The following KCND2 variants were observed in gnomAD, a reference collection of about 807,000 sequenced individuals.
KCND2 encodes potassium voltage-gated channel subfamily D member 2, also known as A-type voltage-gated potassium channel KCND2.
Under a neutral mutation model 54.4 loss-of-function variants are expected in KCND2, and 16 were observed. The ratio of observed to expected loss-of-function variants is 0.29; its 90% confidence interval spans 0.20 to 0.45. The LOEUF (loss-of-function observed/expected upper bound fraction) is 0.45. Ranked by LOEUF, KCND2 falls within the 20% of genes least tolerant of loss-of-function variation. The pLI, the probability that KCND2 is intolerant of heterozygous loss-of-function variation, is 1.00. For missense variants in KCND2, 486 were observed against 824.2 expected, an observed-to-expected ratio of 0.59 and a Z score of 5.02; for synonymous variants, 317 against 310.7, an observed-to-expected ratio of 1.02 and a Z score of -0.21.
chr7:120,667,911 T>A (rs1310090441), intron 1 of KCND2, among the ~76,000 whole-genome samples: 1 of 151,918 alleles, frequency 6.6e-6, no homozygotes, highest in Non-Finnish European at 1.5e-5. Flanking sequence ...AAAGACAACA[T>A]GTAATACCAA....
chr7:120,656,389 T>C (rs541277781), intron 1 of KCND2, among the ~76,000 whole-genome samples: 31 of 152,328 alleles, frequency 2.0e-4, no homozygotes, highest in Middle Eastern at 6.8e-3. Flanking sequence ...ACTTGACTCA[T>C]AGGTATTTTA....
At chr7:120,621,116 T>C (rs1793092187) in intron 1 of KCND2, among the ~76,000 whole-genome samples, 1 of 150,972 alleles carries the variant, frequency 6.6e-6, no homozygotes, top group Non-Finnish European at 1.5e-5. Flanking sequence ...CTACTAAAAA[T>C]ACAAAAATTA....
Position 120,315,476 on chromosome 7 carries a change from G to A in KCND2, c.1115+39729G>A, listed in dbSNP as rs546688264. 3.9e-5 allele frequency among the ~76,000 whole-genome samples: 6 copies of A among 152,212 alleles called. No homozygotes were observed. The South Asian group carries it at 1.2e-3, about 32-fold the overall frequency. ...TAAACCTTGAATTTTCCACAGGAAAGCAAAGGGCTAAGGATCAGAATGACA... is the reference window on the plus strand; with the variant it reads ...TAAACCTTGAATTTTCCACAGGAAAACAAAGGGCTAAGGATCAGAATGACA... On this transcript the variant is annotated intron_variant, in intron 1 of 5. Coordinates refer to ENST00000331113, the MANE Select transcript of KCND2 (RefSeq NM_012281.3).
intron 1 of KCND2, among the ~76,000 whole-genome samples, chr7:120,642,522 C>G (rs566398177): frequency 6.6e-6 from 1 of 150,792 alleles, no homozygotes; most frequent in Non-Finnish European, 1.5e-5. Context: ...AGACTGCACT[C>G]CAGCCTGGGT....
intron 1 of KCND2, among the ~76,000 whole-genome samples, chr7:120,693,246 G>A (rs1487523717): frequency 1.3e-5 from 2 of 152,060 alleles, no homozygotes; most frequent in South Asian, 2.1e-4. Context: ...ATATTGAAAG[G>A]GAAAAAGGAA....
At chr7:120,620,146 A>G (rs1202774726) in intron 1 of KCND2, among the ~76,000 whole-genome samples, 2 of 152,168 alleles carry the variant, frequency 1.3e-5, no homozygotes, top group Admixed American at 1.3e-4. Context: ...AAAGTAAATA[A>G]CCTCAAGTAA....
intron 1 of KCND2, among the ~76,000 whole-genome samples, chr7:120,549,956 C>T (rs1342993356): frequency 6.6e-6 from 1 of 151,932 alleles, no homozygotes; most frequent in African/African-American, 2.4e-5. Flanking sequence ...TAGAAATAGT[C>T]ATAAGAGCAT....
At chr7:120,393,072 C>T (rs1301285116) in intron 1 of KCND2, among the ~76,000 whole-genome samples, 1 of 151,876 alleles carries the variant, frequency 6.6e-6, no homozygotes, top group Non-Finnish European at 1.5e-5. Flanking sequence ...ATTTGATAGC[C>T]TCACTGTCTC....
At chr7:120,499,775 A>G (rs1802905930) in intron 1 of KCND2, among the ~76,000 whole-genome samples, 2 of 152,064 alleles carry the variant, frequency 1.3e-5, no homozygotes, top group Admixed American at 6.6e-5. Context: ...TGCCCTTCAC[A>G]TAGGCTATAT....
intron 1 of KCND2, among the ~76,000 whole-genome samples, chr7:120,450,753 C>T (rs965735853): frequency 1.3e-5 from 2 of 152,106 alleles, no homozygotes; most frequent in African/African-American, 4.8e-5. Context: ...TGGGATAGAG[C>T]TAATTTCCTT....
intron 1 of KCND2, among the ~76,000 whole-genome samples, chr7:120,445,606 C>T (rs1802008444): frequency 6.6e-6 from 1 of 152,020 alleles, no homozygotes. Flanking sequence ...GACTGCTTAG[C>T]ACATAGTGAA....
At chr7:120,626,325 C>T (rs1793163327) in intron 1 of KCND2, among the ~76,000 whole-genome samples, 1 of 152,096 alleles carries the variant, frequency 6.6e-6, no homozygotes, top group African/African-American at 2.4e-5. Context: ...GTAGCATGGC[C>T]TCTTCTTTTA....
Position 120,275,114 on chromosome 7 carries a change from C to A in KCND2, c.482C>A (p.Ala161Asp). 1 of 1,613,800 alleles carries A rather than the reference C, an allele frequency of 6.2e-7. No homozygotes were observed. Among genetic ancestry groups the A allele is most frequent in the Non-Finnish European group, 8.5e-7 (1 of 1,179,884 alleles). The change falls in exon 1 of 6, where the codon GCC becomes GAC. Residue 161 changes from alanine to aspartate, a missense_variant. Ala to Asp is a moderately radical substitution (Grantham distance 126, BLOSUM62 -2). This residue lies in a region of KCND2 where 231 missense variants were observed against 386.0 expected (regional missense o/e 0.60). Coordinates refer to ENST00000331113, the MANE Select transcript of KCND2 (RefSeq NM_012281.3). Reference sequence around the variant, plus strand: ...GATACCGACACCGCTGGGGAGAGCGCCTTGCCCACCATGACTGCAAGGCAG... The same window carrying A: ...GATACCGACACCGCTGGGGAGAGCGACTTGCCCACCATGACTGCAAGGCAG... ...DADTDTAGES[A>D]LPTMTARQRV...
intron 1 of KCND2, among the ~76,000 whole-genome samples, chr7:120,407,876 G>T (rs750505967): frequency 1.3e-5 from 2 of 151,822 alleles, no homozygotes; most frequent in Non-Finnish European, 2.9e-5. Flanking sequence ...GAAAGATGAG[G>T]CTGGAGAGAT....
At chr7:120,550,320 A>AAACC (rs1488959134) in intron 1 of KCND2, among the ~76,000 whole-genome samples, 9 of 152,066 alleles carry the variant, frequency 5.9e-5, no homozygotes, top group Non-Finnish European at 1.2e-4. Context: ...TGGGGGAAAA[A>AAACC]AATGAGGTAG....
At chr7:120,423,667 C>T (rs2116140887) in intron 1 of KCND2, among the ~76,000 whole-genome samples, 1 of 152,272 alleles carries the variant, frequency 6.6e-6, no homozygotes, top group South Asian at 2.1e-4. Flanking sequence ...TTTTACCTTC[C>T]TTGACAGGCA....
Position 120,274,836 on chromosome 7 carries a change from C to T in KCND2, c.204C>T (p.Gly68=), listed in dbSNP as rs756539755. Residue 68 remains glycine, a synonymous_variant, in exon 1 of 6, where the codon GGC becomes GGT. Coordinates refer to ENST00000331113, the MANE Select transcript of KCND2 (RefSeq NM_012281.3). ...TLERYPDTLL[G]SSERDFFYHP... is the part of the protein sequence containing the mutation. ...AACGTTACCCAGACACTCTACTGGGCAGTTCTGAGAGGGACTTTTTCTACC... is the reference window on the plus strand; with the variant it reads ...AACGTTACCCAGACACTCTACTGGGTAGTTCTGAGAGGGACTTTTTCTACC... 1 of 1,614,014 alleles carries T rather than the reference C, an allele frequency of 6.2e-7. No individual in the cohort carries two copies. The highest frequency in any genetic ancestry group is 8.5e-7 in the Non-Finnish European group (1 of 1,180,008).
At chr7:120,701,399 A>C (rs1409038172) in intron 1 of KCND2, among the ~76,000 whole-genome samples, 1 of 152,136 alleles carries the variant, frequency 6.6e-6, no homozygotes, top group Non-Finnish European at 1.5e-5. Flanking sequence ...CTGGAACAAG[A>C]AGCAAAGTAG....
chr7:120,478,833 A>G, intron 1 of KCND2, among the ~76,000 whole-genome samples: 1 of 152,110 alleles, frequency 6.6e-6, no homozygotes, highest in East Asian at 1.9e-4. Flanking sequence ...CATCCTGAAG[A>G]TTTTGTAAGT....
Sources: gnomAD v4.1 joint callset for allele counts (sites outside exome capture counted in the v4.1 genomes callset) on GRCh38, gnomAD v4.1.1 for gene constraint, gnomAD v4.1.1 regional missense constraint, MANE v1.5 for transcripts, NCBI Gene and HGNC (gene_info 2026-07-23, HGNC 2026-07-21) for gene names.